The following CADM2 variants were observed in gnomAD, a reference collection of about 807,000 sequenced individuals.
CADM2 encodes the protein immunoglobulin superfamily member 4D.
In CADM2, 12 loss-of-function variants were observed where a neutral mutation model predicts 49.8. That is an observed-to-expected ratio of 0.24 (90% confidence interval 0.15 to 0.39). CADM2 has a LOEUF of 0.39. CADM2 is among the 10% of genes least tolerant of loss of function. The probability of loss-of-function intolerance (pLI) is 1.00; values close to 1 mark genes in which losing one functional copy is unlikely to be tolerated. For missense variants in CADM2, 378 were observed against 492.3 expected (o/e 0.77, Z 2.20); for synonymous variants, 214 against 175.4 (o/e 1.22, Z -1.74).
At chr3:85,393,097 A>AAAC (rs1553717611) in intron 1 of CADM2, among the ~76,000 whole-genome samples, 5 of 150,590 alleles carry the variant, frequency 3.3e-5, no homozygotes, top group Non-Finnish European at 5.9e-5. Flanking sequence ...TTTAAAAAAA[A>AAAC]AAAAAAGAAA....
At chr3:85,636,571 C>T (rs2064494842) in intron 1 of CADM2, among the ~76,000 whole-genome samples, 1 of 152,086 alleles carries the variant, frequency 6.6e-6, no homozygotes, top group Admixed American at 6.5e-5. Flanking sequence ...CAGTGTTGAT[C>T]AAGTCTACAG....
intron 1 of CADM2, among the ~76,000 whole-genome samples, chr3:85,153,479 C>T (rs1388796660): frequency 6.6e-6 from 1 of 152,170 alleles, no homozygotes; most frequent in Non-Finnish European, 1.5e-5. Context: ...ATTCTGAGAT[C>T]AAACCGCAAC....
At chr3:85,825,648 A>G (rs1559684602) in intron 3 of CADM2, among the ~76,000 whole-genome samples, 1 of 152,090 alleles carries the variant, frequency 6.6e-6, no homozygotes, top group Non-Finnish European at 1.5e-5. Context: ...ATAATATTAA[A>G]GGGCTATCTG....
At chr3:86,005,981 G>A (rs6762937) in intron 8 of CADM2, among the ~76,000 whole-genome samples, 86,400 of 151,884 alleles carry the variant, frequency 0.57, 24,666 homozygotes, top group South Asian at 0.64. Flanking sequence ...TTTATCTTTC[G>A]TGCCTGGCTT....
intron 7 of CADM2, among the ~76,000 whole-genome samples, chr3:85,939,928 A>G (rs1721655281): frequency 6.6e-6 from 1 of 150,484 alleles, no homozygotes; most frequent in Non-Finnish European, 1.5e-5. Flanking sequence ...AAATAATTAC[A>G]CATCTATTTT....
At chr3:85,466,287 A>G (rs994323873) in intron 1 of CADM2, among the ~76,000 whole-genome samples, 138 of 152,222 alleles carry the variant, frequency 9.1e-4, no homozygotes, top group African/African-American at 3.1e-3. Context: ...ATCTTCCCCA[A>G]TTTTATACGT....
intron 8 of CADM2, chr3:86,012,868 G>T (rs535788123): frequency 1.8e-6 from 1 of 544,870 alleles, no homozygotes; most frequent in African/African-American, 1.9e-5. Context: ...CCAGCTACTC[G>T]GGAGGCTGAG....
intron 1 of CADM2, among the ~76,000 whole-genome samples, chr3:85,144,320 C>A (rs534946388): frequency 6.6e-6 from 1 of 151,146 alleles, no homozygotes; most frequent in African/African-American, 2.4e-5. Context: ...ATCATAAGAA[C>A]AAGATTTGTG....
chr3:85,495,356 A>G (rs1174583604), intron 1 of CADM2, among the ~76,000 whole-genome samples: 1 of 152,188 alleles, frequency 6.6e-6, no homozygotes, highest in Non-Finnish European at 1.5e-5. Context: ...AATCATTTAT[A>G]CGTAACCTTA....
Position 85,697,071 on chromosome 3 carries a change from T to TATATATATATGTC in CADM2, c.62-29440_62-29439insTCATATATATATG, listed in dbSNP as rs1553665815. Among the ~76,000 whole-genome samples, 401 of 141,686 alleles carry TATATATATATGTC rather than the reference T, an allele frequency of 2.8e-3. 4 individuals are homozygous for TATATATATATGTC. The highest frequency in any genetic ancestry group is 9.8e-3 in the African/African-American group (373 of 38,146). The allele number at this position is 141,686 out of a possible 152,430, so 93.0% of individuals were successfully genotyped here. ...TAGCACTACCCTACTGTCTTAATTA[T>TATATATATATGTC]ATATATATATGCCATATATATATAT... On this transcript the variant is annotated intron_variant, in intron 1 of 9. Coordinates refer to ENST00000383699, the MANE Select transcript of CADM2 (RefSeq NM_001167675.2).
intron 8 of CADM2, among the ~76,000 whole-genome samples, chr3:85,990,867 C>T (rs1177282443): frequency 6.6e-6 from 1 of 152,088 alleles, no homozygotes; most frequent in Non-Finnish European, 1.5e-5. Context: ...CTCTTGATTT[C>T]AAGTAAGTAG....
chr3:85,902,704 T>A (rs2108453303), intron 5 of CADM2, among the ~76,000 whole-genome samples: 1 of 151,662 alleles, frequency 6.6e-6, no homozygotes, highest in East Asian at 1.9e-4. Flanking sequence ...GTAAAAATTT[T>A]TCACTTTATT....
Position 85,847,680 on chromosome 3 carries a change from T to C in CADM2, c.239-35611T>C, listed in dbSNP as rs142815862. ...ATCGTTCTCAGAAAGAGTGGAAGAA[T>C]TGGCCAAACAAGGATGTGGGTATAG... On this transcript the variant is annotated intron_variant, in intron 3 of 9. Transcript: ENST00000383699. Among the ~76,000 whole-genome samples the C allele has an allele frequency of 4.3e-3, 652 of 152,278 alleles. 4 individuals are homozygous for C. The highest frequency in any genetic ancestry group is 0.014 in the African/African-American group (601 of 41,568).
rs750505322 is a variant in CADM2, at chr3:86,072,960, T to G, written c.*6177T>G. The G allele has an allele frequency of 6.6e-6, 1 of 152,126 alleles. No individual in the cohort carries two copies. The highest frequency in any genetic ancestry group is 1.5e-5 in the Non-Finnish European group (1 of 67,986). The allele number at this position is 152,126 out of a possible 1,614,324, so 9.4% of individuals were successfully genotyped here. A position where few individuals can be genotyped will look rare whatever the true frequency, so the allele number is the denominator to read the frequency against. On this transcript the variant is annotated 3_prime_UTR_variant, in exon 10 of 10. Coordinates refer to ENST00000383699, the MANE Select transcript of CADM2 (RefSeq NM_001167675.2). Reference sequence around the variant, plus strand: ...TACAAATTTATTTAACTGTACCTACTGTACTTATTGTAGATTCAATGACGC... The same window carrying G: ...TACAAATTTATTTAACTGTACCTACGGTACTTATTGTAGATTCAATGACGC...
intron 1 of CADM2, among the ~76,000 whole-genome samples, chr3:85,059,161 C>A (rs534443758): frequency 2.4e-3 from 362 of 151,860 alleles, no homozygotes; most frequent in African/African-American, 7.5e-3. Flanking sequence ...ATGGCGTGAA[C>A]CCGGGAGGTG....
intron 2 of CADM2, among the ~76,000 whole-genome samples, chr3:85,760,132 C>T (rs2069303287): frequency 6.6e-6 from 1 of 152,022 alleles, no homozygotes; most frequent in Non-Finnish European, 1.5e-5. Flanking sequence ...GTCAGATTTG[C>T]TAGATATATG....
intron 1 of CADM2, among the ~76,000 whole-genome samples, chr3:85,536,366 T>A (rs1021067839): frequency 6.6e-6 from 1 of 151,324 alleles, no homozygotes; most frequent in African/African-American, 2.4e-5. Context: ...CTTGATCATA[T>A]CTGAGGAGCT....
intron 1 of CADM2, among the ~76,000 whole-genome samples, chr3:85,626,448 CA>C (rs893551865): frequency 2.0e-5 from 3 of 150,710 alleles, no homozygotes; most frequent in South Asian, 2.1e-4. Context: ...TTCTTTTTCT[CA>C]AAAAAAAGGC....
At chr3:85,617,898 G>A (rs964572621) in intron 1 of CADM2, among the ~76,000 whole-genome samples, 4 of 152,064 alleles carry the variant, frequency 2.6e-5, no homozygotes, top group Non-Finnish European at 5.9e-5. Context: ...GCATTAGAAC[G>A]TTACATATTA....
Sources: allele counts gnomAD v4.1 joint callset (sites outside exome capture counted in the v4.1 genomes callset), GRCh38; gene constraint gnomAD v4.1.1; transcripts MANE v1.5; gene names NCBI Gene and HGNC (gene_info 2026-07-23, HGNC 2026-07-21).